TDRD7: variants seen among roughly 807,000 people sequenced by gnomAD.
TDRD7 encodes tudor domain containing 7.
Under a neutral mutation model 109.8 loss-of-function variants are expected in TDRD7, and 47 were observed. The ratio of observed to expected loss-of-function variants is 0.43; its 90% CI spans 0.34 to 0.55. The LOEUF (loss-of-function observed/expected upper bound fraction) is 0.55. Ranked by LOEUF, TDRD7 falls within the 20% of genes least tolerant of loss-of-function variation. The probability of loss-of-function intolerance (pLI) is 0.03; values close to 1 mark genes in which losing one functional copy is unlikely to be tolerated. For synonymous variants in TDRD7, 424 were observed against 457.3 expected (o/e 0.93, Z 0.93); for missense variants, 1,164 against 1,319.2 (o/e 0.88, Z 1.82).
chr9:97,460,449 A>T lies in TDRD7; in HGVS notation c.1127A>T (p.Asp376Val), dbSNP rs771147038. 4 of 1,614,214 alleles carry T rather than the reference A, an allele frequency of 2.5e-6. No homozygotes were observed. Among genetic ancestry groups the T allele is most frequent in the Non-Finnish European group, 3.4e-6 (4 of 1,180,042 alleles). Residue 376 changes from aspartate (D) to valine (V), a missense_variant, in exon 7 of 17, where the codon GAT becomes GTT. By Grantham distance (152) the Asp-to-Val change is radical. Transcript: ENST00000355295. Reference protein sequence around the residue: ...EEMYKVKFPEDALKNLASLSD... With the variant: ...EEMYKVKFPEVALKNLASLSD... ...ATGTACAAAGTGAAATTCCCTGAGGATGCCTTAAAAAATCTTGCCTCACTT... is the reference window on the plus strand; with the variant it reads ...ATGTACAAAGTGAAATTCCCTGAGGTTGCCTTAAAAAATCTTGCCTCACTT...
chr9:97,431,151 T>C, intron 3 of TDRD7, 77 bp downstream of exon 3: 1 of 1,584,354 alleles, frequency 6.3e-7, no homozygotes, highest in Non-Finnish European at 8.7e-7. Flanking sequence ...GAAATATTGT[T>C]TGTATTATGA....
rs16920253 is a variant in TDRD7 at position 97,432,371 on chromosome 9, A to G, written c.563+133A>G. On this transcript the variant is annotated intron_variant, in intron 4 of 16. Transcript: ENST00000355295. ...TATAGTAGAGACATGCATCATTACC[A>G]GTTAAGTTCACTTCTAGCTGCCTGA... 5,744 of 786,106 alleles carry G rather than the reference A, an allele frequency of 7.3e-3. 209 individuals carry two copies. The African/African-American group carries it at 0.083, about 11-fold the overall frequency. The allele number at this position is 786,106 out of a possible 1,614,324, so 48.7% of individuals were successfully genotyped here.
chr9:97,457,686 AT>A (rs1194225753), intron 6 of TDRD7, among the ~76,000 whole-genome samples: 1 of 152,130 alleles, frequency 6.6e-6, no homozygotes, highest in Non-Finnish European at 1.5e-5. Context: ...CCACACACGT[AT>A]GTTTATTGCA....
chr9:97,475,503 C>T, intron 12 of TDRD7, 34 bp downstream of exon 12: 1 of 1,454,346 alleles, frequency 6.9e-7, no homozygotes, highest in Admixed American at 1.7e-5. Context: ...TTAATCTTAA[C>T]TTATTGTGAA....
chr9:97,475,876 T>G (rs1227583645), intron 12 of TDRD7, among the ~76,000 whole-genome samples: 1 of 152,204 alleles, frequency 6.6e-6, no homozygotes, highest in Non-Finnish European at 1.5e-5. Flanking sequence ...TAAGAGGTAT[T>G]GGTCATGCTT....
intron 5 of TDRD7, among the ~76,000 whole-genome samples, chr9:97,440,294 A>G (rs1159391277): frequency 6.6e-6 from 1 of 152,216 alleles, no homozygotes; most frequent in Non-Finnish European, 1.5e-5. Context: ...AACCTCTCCT[A>G]CATGATGGAC....
chr9:97,472,235 T>A (rs1424492692), intron 9 of TDRD7, 58 bp from the exon 10 acceptor site: 1 of 1,442,504 alleles, frequency 6.9e-7, no homozygotes, highest in Non-Finnish European at 9.8e-7. Context: ...AATCCATCTA[T>A]TCATCTTGAA....
chr9:97,485,589 A>C (rs1268795353), intron 15 of TDRD7, among the ~76,000 whole-genome samples: 1 of 152,152 alleles, frequency 6.6e-6, no homozygotes, highest in Non-Finnish European at 1.5e-5. Flanking sequence ...CCTACACCGA[A>C]AGTGTTTCCA....
intron 7 of TDRD7, among the ~76,000 whole-genome samples, chr9:97,461,642 G>A (rs1161143685): frequency 6.6e-6 from 1 of 152,148 alleles, no homozygotes; most frequent in Admixed American, 6.5e-5. Flanking sequence ...CAGAATACGT[G>A]GAAAATATAG....
At chr9:97,437,087 C>T (rs1200503365) in intron 4 of TDRD7, among the ~76,000 whole-genome samples, 8 of 152,266 alleles carry the variant, frequency 5.3e-5, no homozygotes. Flanking sequence ...TAGATTTTGT[C>T]AATGCATTAA....
intron 6 of TDRD7, among the ~76,000 whole-genome samples, chr9:97,458,383 C>T (rs1334936017): frequency 2.6e-5 from 4 of 152,138 alleles, no homozygotes; most frequent in Non-Finnish European, 2.9e-5. Context: ...ATTCTTGTAT[C>T]TTATTGAGTG....
chr9:97,491,710 C>G (rs1221001729), intron 16 of TDRD7, among the ~76,000 whole-genome samples: 1 of 152,130 alleles, frequency 6.6e-6, no homozygotes, highest in Non-Finnish European at 1.5e-5. Context: ...TCCCTTCCCC[C>G]AGGAAGGTTA....
intron 6 of TDRD7, among the ~76,000 whole-genome samples, chr9:97,444,347 A>G (rs1200480880): frequency 6.6e-6 from 1 of 152,244 alleles, no homozygotes; most frequent in Non-Finnish European, 1.5e-5. Context: ...AACACCAATC[A>G]TATTGATGTC....
chr9:97,467,038 G>A (rs912579170), intron 8 of TDRD7, among the ~76,000 whole-genome samples: 12 of 152,290 alleles, frequency 7.9e-5, no homozygotes, highest in African/African-American at 2.9e-4. Flanking sequence ...CTAGTCCTGA[G>A]TCTGCCTGTA....
intron 12 of TDRD7, among the ~76,000 whole-genome samples, 165 bp downstream of exon 12, chr9:97,475,634 C>T (rs1045196097): frequency 6.6e-6 from 1 of 152,030 alleles, no homozygotes; most frequent in Admixed American, 6.6e-5. Flanking sequence ...AAGTTATGGT[C>T]GAAGAAAGTT....
At position 97,475,384 on chromosome 9, in the gene TDRD7, A is replaced by G. The variant is rs778665179; in HGVS notation, c.2081A>G (p.His694Arg). 1.3e-5 allele frequency: 21 copies of G among 1,612,444 alleles called. No individual in the cohort carries two copies. Among genetic ancestry groups the G allele is most frequent in the Non-Finnish European group, 1.8e-5 (21 of 1,178,756 alleles). Residue 694 changes from histidine to arginine, a missense_variant and splice_region_variant, in exon 12 of 17, where the codon CAC becomes CGC. By Grantham distance (29) the His-to-Arg change is conservative. Around this residue, in one of 5 missense-constraint regions of TDRD7, gnomAD observed 261 missense variants for 336.2 expected, o/e 0.78. Transcript: ENST00000355295. Reference sequence around the variant, plus strand: ...GTATCATGCATTTCTGTTTTGCAGCACATGACCTCTGAGTGCTTTGTTTCA... The same window carrying G: ...GTATCATGCATTTCTGTTTTGCAGCGCATGACCTCTGAGTGCTTTGTTTCA... ...RKIEDYFHCK[H>R]MTSECFVSLP...
intron 6 of TDRD7, among the ~76,000 whole-genome samples, chr9:97,459,544 C>T (rs1164291744): frequency 6.6e-6 from 1 of 152,254 alleles, no homozygotes; most frequent in African/African-American, 2.4e-5. Context: ...TCAAGCTGTG[C>T]CTCTCAGAAA....
intron 16 of TDRD7, among the ~76,000 whole-genome samples, chr9:97,488,579 T>G (rs1431720153): frequency 2.1e-5 from 3 of 141,436 alleles, no homozygotes; most frequent in Non-Finnish European, 3.1e-5. Context: ...TTTTTTTTTT[T>G]GTTTTCACTT....
chr9:97,483,384 C>A (rs1299428121), intron 15 of TDRD7, 33 bp downstream of exon 15: 50 of 1,609,166 alleles, frequency 3.1e-5, no homozygotes, highest in Non-Finnish European at 4.0e-5. Context: ...TTATTCTACT[C>A]CTAAGAAAAA....
Sources: allele counts gnomAD v4.1 joint callset (sites outside exome capture counted in the v4.1 genomes callset), GRCh38; gene constraint gnomAD v4.1.1; regional missense constraint gnomAD v4.1.1; transcripts MANE v1.5; gene names NCBI Gene and HGNC (gene_info 2026-07-23, HGNC 2026-07-21).